The following GPC4 variants were observed in gnomAD, a reference collection of about 807,000 sequenced individuals.
The protein encoded by GPC4 is glypican-4.
A neutral mutation model predicts 35.0 loss-of-function variants in GPC4; 10 were observed. That is an observed-to-expected ratio of 0.29 (90% CI 0.18 to 0.48). The LOEUF (loss-of-function observed/expected upper bound fraction) is 0.48. GPC4 is among the 20% of genes least tolerant of loss of function. The probability of loss-of-function intolerance (pLI) is 0.99; values close to 1 mark genes in which losing one functional copy is unlikely to be tolerated. For synonymous variants in GPC4, 167 were observed against 170.2 expected (o/e 0.98, Z 0.15); for missense variants, 322 against 451.3 (o/e 0.71, Z 2.60).
chrX:133,335,166 C>A (rs2124129716), intron 2 of GPC4, among the ~76,000 whole-genome samples: 1 of 111,174 alleles, frequency 9.0e-6, no homozygotes, highest in African/African-American at 3.3e-5. Flanking sequence ...ATGACTGATT[C>A]AGCTAAGTTA....
Position 133,302,840 on chromosome X carries a change from T to G in GPC4, c.*27A>C, listed in dbSNP as rs1043120850. 1.7e-6 allele frequency: 2 copies of G among 1,194,418 alleles called. No individual in the cohort carries two copies. Among genetic ancestry groups the G allele is most frequent in the Admixed American group, 2.2e-5 (1 of 45,749 alleles). On this transcript the variant is annotated 3_prime_UTR_variant, in exon 9 of 9. Coordinates refer to ENST00000370828, the MANE Select transcript of GPC4 (RefSeq NM_001448.3). ...TAACTGGTGCCTTTTAACTTTTTGA[T>G]GAACACTTTTTCTCAGAGTTTGAGA...
At chrX:133,345,089 G>C (rs1025044348) in intron 1 of GPC4, among the ~76,000 whole-genome samples, 2 of 111,919 alleles carry the variant, frequency 1.8e-5, no homozygotes, top group Non-Finnish European at 3.8e-5. Flanking sequence ...AATTTAAAAG[G>C]TTCCAAATAT....
At chrX:133,363,979 C>T (rs112095236) in intron 1 of GPC4, among the ~76,000 whole-genome samples, 3,815 of 111,685 alleles carry the variant, frequency 0.034, 156 homozygotes, top group African/African-American at 0.12. Context: ...ACATAGTGTT[C>T]CAAGGTTCAT....
chrX:133,400,761 T>C (rs1161063309), intron 1 of GPC4, among the ~76,000 whole-genome samples: 1 of 111,195 alleles, frequency 9.0e-6, no homozygotes, highest in Non-Finnish European at 1.9e-5. Flanking sequence ...ACAAACATTT[T>C]TGAGTATTAG....
intron 2 of GPC4, among the ~76,000 whole-genome samples, chrX:133,337,346 A>G (rs2068448526): frequency 8.9e-6 from 1 of 112,110 alleles, no homozygotes; most frequent in Non-Finnish European, 1.9e-5. Flanking sequence ...AACACTACAC[A>G]TTGGAATCAT....
chrX:133,369,468 T>C (rs903864047), intron 1 of GPC4, among the ~76,000 whole-genome samples: 3 of 112,008 alleles, frequency 2.7e-5, no homozygotes, highest in Non-Finnish European at 5.6e-5. Flanking sequence ...ACGATGCATT[T>C]GATAAAGAGT....
Position 133,303,073 on chromosome X carries a change from G to C in GPC4, c.1469-4C>G, listed in dbSNP as rs776594264. 1 of 1,208,115 alleles carries C rather than the reference G, an allele frequency of 8.3e-7. No individual in the cohort carries two copies. The highest frequency in any genetic ancestry group is 1.8e-5 in the South Asian group (1 of 56,550). On this transcript the variant is annotated splice_region_variant and splice_polypyrimidine_tract_variant and intron_variant, in intron 8 of 8. Transcript: ENST00000370828. ...CCTTCTCCACTACTTTCATCACCTA[G>C]TTTAAAAAAAAATGGAATAGAAATT... is the stretch of plus-strand genomic sequence containing the variant.
intron 1 of GPC4, among the ~76,000 whole-genome samples, chrX:133,400,535 T>A (rs2068764128): frequency 1.8e-5 from 2 of 112,504 alleles, no homozygotes; most frequent in Admixed American, 1.9e-4. Flanking sequence ...GTATCCTTTT[T>A]ATTCACTGTT....
chrX:133,332,909 T>C (rs1225695421), intron 2 of GPC4, among the ~76,000 whole-genome samples: 1 of 112,619 alleles, frequency 8.9e-6, no homozygotes, highest in Admixed American at 9.4e-5. Flanking sequence ...TCAATGAGTA[T>C]GAACATATTC....
chrX:133,327,066 T>G (rs1437324099), intron 2 of GPC4, among the ~76,000 whole-genome samples: 1 of 112,824 alleles, frequency 8.9e-6, no homozygotes, highest in Non-Finnish European at 1.9e-5. Flanking sequence ...ATGCAAGCCT[T>G]GTGTGTCAAT....
intron 1 of GPC4, among the ~76,000 whole-genome samples, chrX:133,361,616 TGCCTTAGAACAA>T (rs1353259589): frequency 9.2e-6 from 1 of 108,648 alleles, no homozygotes; most frequent in Non-Finnish European, 1.9e-5. Context: ...TCAAACCACA[TGCCTTAGAACAA>T]GCTGCTGCAT....
chrX:133,379,573 T>C (rs182318005), intron 1 of GPC4, among the ~76,000 whole-genome samples: 9 of 112,228 alleles, frequency 8.0e-5, no homozygotes, highest in African/African-American at 2.6e-4. Context: ...TTTTATGTTA[T>C]GTGAGTTTCA....
chrX:133,309,130 T>C (rs961396755), intron 4 of GPC4, among the ~76,000 whole-genome samples: 1 of 111,743 alleles, frequency 8.9e-6, no homozygotes, highest in Non-Finnish European at 1.9e-5. Context: ...AGATTAACAA[T>C]GTCTATTACT....
chrX:133,304,224 C>T (rs1255460577), intron 7 of GPC4, among the ~76,000 whole-genome samples: 2 of 110,461 alleles, frequency 1.8e-5, no homozygotes, highest in African/African-American at 6.6e-5. Context: ...CACTTGAACC[C>T]GGGAGGTGGA....
chrX:133,361,274 G>A (rs1041714303), intron 1 of GPC4, among the ~76,000 whole-genome samples: 21 of 111,932 alleles, frequency 1.9e-4, no homozygotes, highest in Non-Finnish European at 3.0e-4. Context: ...TGAGTGTGAT[G>A]TCCTTGCTGG....
chrX:133,368,835 G>T (rs898284993), intron 1 of GPC4, among the ~76,000 whole-genome samples: 5 of 110,183 alleles, frequency 4.5e-5, no homozygotes, highest in African/African-American at 1.7e-4. Context: ...TAGTAGAGAC[G>T]AGGTTTCACC....
chrX:133,347,052 GT>G lies in GPC4; in HGVS notation c.161-7712del, dbSNP rs771924083. ...ATATTAACTATATCCCAATAAGACA[GT>G]TACCAAAAAACTCAGGAAATCAGAA... On this transcript the variant is annotated intron_variant, in intron 1 of 8. Coordinates refer to ENST00000370828, the MANE Select transcript of GPC4 (RefSeq NM_001448.3). Among the ~76,000 whole-genome samples, 12 of 110,408 alleles carry G rather than the reference GT, an allele frequency of 1.1e-4. 1 individual carries two copies. The East Asian group carries it at 3.4e-3, about 31-fold the overall frequency.
chrX:133,331,170 C>T (rs1289128685), intron 2 of GPC4, among the ~76,000 whole-genome samples: 1 of 111,645 alleles, frequency 9.0e-6, no homozygotes, highest in Non-Finnish European at 1.9e-5. Flanking sequence ...ACTGATGGCC[C>T]CCATCTTTGG....
rs1478963232 is a variant in GPC4 at position 133,302,672 on chromosome X, A to G, written c.*195T>C. On this transcript the variant is annotated 3_prime_UTR_variant, in exon 9 of 9. Coordinates refer to ENST00000370828, the MANE Select transcript of GPC4 (RefSeq NM_001448.3). ...ACATGGTTTGGGGGAGCAGGAACCA[A>G]CTCAATGCACAGTCCCTTTTCCTCC... The G allele has an allele frequency of 4.6e-6, 2 of 438,320 alleles. No homozygotes were observed. Among genetic ancestry groups the G allele is most frequent in the Admixed American group, 4.2e-5 (1 of 24,038 alleles). The allele number at this position is 438,320 out of a possible 1,213,427, so 36.1% of individuals were successfully genotyped here.
Sources: gnomAD v4.1 joint callset for allele counts (sites outside exome capture counted in the v4.1 genomes callset) on GRCh38, gnomAD v4.1.1 for gene constraint, MANE v1.5 for transcripts, NCBI Gene and HGNC (gene_info 2026-07-23, HGNC 2026-07-21) for gene names.